The following TENM3 variants were observed in gnomAD, a reference collection of about 807,000 sequenced individuals.
TENM3 encodes the protein teneurin transmembrane protein 3.
In TENM3, 63 loss-of-function variants were observed where a neutral mutation model predicts 255.1. That is an observed-to-expected ratio of 0.25 (90% CI 0.20 to 0.30). The LOEUF (loss-of-function observed/expected upper bound fraction) is 0.30. Among genes scored for constraint, TENM3 ranks in the 10% least tolerant of loss-of-function variants. The probability of loss-of-function intolerance (pLI) is 1.00; values close to 1 mark genes in which losing one functional copy is unlikely to be tolerated. For synonymous variants in TENM3, 1,306 were observed against 1,322.3 expected, an observed-to-expected ratio of 0.99 and a Z score of 0.27; for missense variants, 2,929 against 3,461.1, an observed-to-expected ratio of 0.85 and a Z score of 3.86.
chr4:181,496,295 T>A, the TENM3 span, among the ~76,000 whole-genome samples: 1 of 152,072 alleles, frequency 6.6e-6, no homozygotes, highest in Non-Finnish European at 1.5e-5. Context: ...TGAAAGCTAT[T>A]CAACACTTAT....
At chr4:181,847,951 C>A in the TENM3 span, among the ~76,000 whole-genome samples, 2 of 152,140 alleles carry the variant, frequency 1.3e-5, no homozygotes, top group South Asian at 4.1e-4. Context: ...CAATGTCGGT[C>A]CTTGTTTATA....
the TENM3 span, among the ~76,000 whole-genome samples, chr4:182,115,176 G>C: frequency 3.9e-5 from 6 of 152,090 alleles, no homozygotes; most frequent in African/African-American, 1.4e-4. Context: ...GTAAGACTCT[G>C]TCTCAAAAAT....
intron 5 of TENM3, among the ~76,000 whole-genome samples, chr4:182,650,747 A>G (rs1433419180): frequency 2.9e-5 from 4 of 135,934 alleles, no homozygotes; most frequent in Admixed American, 2.2e-4. Flanking sequence ...AAAGTAGATA[A>G]TATCCTAAGA....
chr4:182,551,406 G>C (rs1741998350), intron 3 of TENM3, among the ~76,000 whole-genome samples: 1 of 152,032 alleles, frequency 6.6e-6, no homozygotes, highest in Non-Finnish European at 1.5e-5. Flanking sequence ...TATAACAGCA[G>C]CGGTGGTAGG....
At chr4:181,591,830 CT>C in the TENM3 span, among the ~76,000 whole-genome samples, 1 of 152,108 alleles carries the variant, frequency 6.6e-6, no homozygotes, top group Non-Finnish European at 1.5e-5. Context: ...GAAACCAGTC[CT>C]TGGTGCCAAA....
chr4:181,583,675 T>C, the TENM3 span, among the ~76,000 whole-genome samples: 2 of 152,212 alleles, frequency 1.3e-5, no homozygotes, highest in African/African-American at 4.8e-5. Context: ...TAAATTGAGA[T>C]TTGATAACTT....
At chr4:181,740,636 T>C in the TENM3 span, among the ~76,000 whole-genome samples, 3 of 151,846 alleles carry the variant, frequency 2.0e-5, no homozygotes, top group African/African-American at 7.3e-5. Flanking sequence ...GCAATCAATC[T>C]TGAAAATGAT....
Position 182,800,640 on chromosome 4 carries a change from G to A in TENM3, c.*289G>A. The stretch of plus-strand genomic sequence containing the variant: ...ACAAAGGCCTCGACCTGTTGCGCTG[G>A]GCCGTCTGTTCCTTCTAGGCACTGT... On this transcript the variant is annotated 3_prime_UTR_variant, in exon 28 of 28. Transcript: ENST00000511685. 3.1e-6 allele frequency: 1 copy of A among 321,174 alleles called. No homozygotes were observed. Among genetic ancestry groups the A allele is most frequent in the Non-Finnish European group, 5.7e-6 (1 of 174,338 alleles). The allele number at this position is 321,174 out of a possible 1,614,324, so 19.9% of individuals were successfully genotyped here.
chr4:182,370,523 G>T (rs77431293), intron 3 of TENM3, among the ~76,000 whole-genome samples: 335 of 152,280 alleles, frequency 2.2e-3, no homozygotes, highest in Non-Finnish European at 4.2e-3. Context: ...TAAAAGATAA[G>T]TCGGTTTTAA....
intron 17 of TENM3, among the ~76,000 whole-genome samples, chr4:182,737,314 G>A (rs1761243683): frequency 6.6e-6 from 1 of 152,194 alleles, no homozygotes; most frequent in Non-Finnish European, 1.5e-5. Context: ...GAGGAATTCT[G>A]TGAATGAGGT....
chr4:182,634,822 A>G (rs1038551479), intron 5 of TENM3, among the ~76,000 whole-genome samples: 1 of 151,898 alleles, frequency 6.6e-6, no homozygotes, highest in Non-Finnish European at 1.5e-5. Flanking sequence ...GATGGGTAGG[A>G]GTCTTGATAC....
chr4:182,002,319 G>GGA, the TENM3 span, among the ~76,000 whole-genome samples: 4 of 151,494 alleles, frequency 2.6e-5, no homozygotes, highest in Non-Finnish European at 4.4e-5. Context: ...TAATCACAGG[G>GGA]GAGAGAGAGA....
intron 2 of TENM3, among the ~76,000 whole-genome samples, chr4:182,337,808 A>G (rs1561337719): frequency 6.6e-6 from 1 of 152,224 alleles, no homozygotes; most frequent in Non-Finnish European, 1.5e-5. Context: ...TGGCAACACA[A>G]AAGAGTGATC....
At chr4:181,944,256 G>A in the TENM3 span, among the ~76,000 whole-genome samples, 13 of 151,650 alleles carry the variant, frequency 8.6e-5, no homozygotes, top group African/African-American at 2.9e-4. Flanking sequence ...AAGAGGGTGG[G>A]ACACTGATAT....
chr4:182,642,682 G>A (rs956723884), intron 5 of TENM3, among the ~76,000 whole-genome samples: 2 of 152,048 alleles, frequency 1.3e-5, no homozygotes, highest in African/African-American at 4.8e-5. Flanking sequence ...CTCCAAACCT[G>A]TTCGTTCATA....
At chr4:181,629,819 A>C in the TENM3 span, among the ~76,000 whole-genome samples, 1 of 152,100 alleles carries the variant, frequency 6.6e-6, no homozygotes, top group African/African-American at 2.4e-5. Flanking sequence ...GTATCCCTGC[A>C]AGGCTTTGCT....
At chr4:182,099,086 C>T in the TENM3 span, among the ~76,000 whole-genome samples, 1 of 150,670 alleles carries the variant, frequency 6.6e-6, no homozygotes, top group African/African-American at 2.4e-5. Flanking sequence ...CTCAACCTCC[C>T]GAGTAGCTAG....
At chr4:181,753,971 C>A in the TENM3 span, among the ~76,000 whole-genome samples, 1 of 152,182 alleles carries the variant, frequency 6.6e-6, no homozygotes. Context: ...AGGCTTGATT[C>A]ATTTAGGAAG....
At chr4:182,309,216 G>A (rs1175835316) in intron 1 of TENM3, among the ~76,000 whole-genome samples, 26 of 152,150 alleles carry the variant, frequency 1.7e-4, no homozygotes, top group Admixed American at 1.5e-3. Flanking sequence ...CCATGTTGAC[G>A]GAGACACCTG....
Sources: allele counts gnomAD v4.1 joint callset (sites outside exome capture counted in the v4.1 genomes callset), GRCh38; gene constraint gnomAD v4.1.1; transcripts MANE v1.5; gene names NCBI Gene and HGNC (gene_info 2026-07-23, HGNC 2026-07-21).